PCSK6: variants seen among roughly 807,000 people sequenced by gnomAD.
The protein encoded by PCSK6 is paired basic amino acid cleaving enzyme 4.
A neutral mutation model predicts 123.3 loss-of-function variants in PCSK6; 85 were observed. The observed-to-expected ratio is 0.69, with a 90% CI of 0.58 to 0.83. PCSK6 has a LOEUF of 0.83. Among genes scored for constraint, PCSK6 ranks in the 40% least tolerant of loss-of-function variants. The probability of loss-of-function intolerance (pLI) is 0.00; values close to 1 mark genes in which losing one functional copy is unlikely to be tolerated. For synonymous variants in PCSK6, 508 were observed against 516.0 expected (o/e 0.98, Z 0.21); for missense variants, 1,191 against 1,282.3 (o/e 0.93, Z 1.09).
At chr15:101,403,767 T>C (rs1221940099) in intron 6 of PCSK6, among the ~76,000 whole-genome samples, 1 of 152,214 alleles carries the variant, frequency 6.6e-6, no homozygotes, top group Non-Finnish European at 1.5e-5. Context: ...TTGCCCAGGT[T>C]GGAGGACAGT....
At chr15:101,425,871 G>A (rs1271966722) in intron 6 of PCSK6, among the ~76,000 whole-genome samples, 1 of 152,170 alleles carries the variant, frequency 6.6e-6, no homozygotes, top group Non-Finnish European at 1.5e-5. Context: ...TACTTCCACT[G>A]ACTCCTCCCC....
At chr15:101,336,392 A>G (rs146689874) in intron 13 of PCSK6, among the ~76,000 whole-genome samples, 1 of 152,314 alleles carries the variant, frequency 6.6e-6, no homozygotes, top group East Asian at 1.9e-4. Flanking sequence ...GTGCATGTGT[A>G]CCTGTAGGCT....
chr15:101,323,420 CTT>C (rs1407411161), intron 17 of PCSK6, among the ~76,000 whole-genome samples: 1 of 152,228 alleles, frequency 6.6e-6, no homozygotes, highest in Non-Finnish European at 1.5e-5. Flanking sequence ...TCTTGCATGA[CTT>C]TTTGTTTCCC....
rs567830851 is a variant in PCSK6, at chr15:101,335,286, A to G, written c.1859-3255T>C. Among the ~76,000 whole-genome samples, 9 of 152,346 alleles carry G rather than the reference A, an allele frequency of 5.9e-5. No homozygotes were observed. In the East Asian group the frequency reaches 9.6e-4, roughly 16 times the overall value. On this transcript the variant is annotated intron_variant, in intron 13 of 21. Coordinates refer to ENST00000611716, the MANE Select transcript of PCSK6 (RefSeq NM_002570.5). Reference sequence around the variant, plus strand: ...TTTGACTTTTTGTTAAAACCACAACATATGTTACCTGTTCATATATAAACA... The same window carrying G: ...TTTGACTTTTTGTTAAAACCACAACGTATGTTACCTGTTCATATATAAACA...
At chr15:101,426,616 G>A (rs986898039) in intron 6 of PCSK6, among the ~76,000 whole-genome samples, 4 of 152,208 alleles carry the variant, frequency 2.6e-5, no homozygotes, top group African/African-American at 9.7e-5. Flanking sequence ...GGCAGGCAGA[G>A]TCCTAATTAA....
intron 1 of PCSK6, among the ~76,000 whole-genome samples, chr15:101,477,263 G>A (rs1204262520): frequency 1.3e-5 from 2 of 151,636 alleles, no homozygotes; most frequent in African/African-American, 4.9e-5. Context: ...GTGTGTCTGT[G>A]TGTCTGTGTG....
intron 1 of PCSK6, among the ~76,000 whole-genome samples, chr15:101,475,005 T>C (rs1382846147): frequency 1.3e-5 from 2 of 152,124 alleles, no homozygotes; most frequent in African/African-American, 2.4e-5. Flanking sequence ...ACACCCCCAC[T>C]TCCCATTCCT....
At chr15:101,312,552 C>T (rs1180154819) in intron 20 of PCSK6, among the ~76,000 whole-genome samples, 1 of 152,118 alleles carries the variant, frequency 6.6e-6, no homozygotes. Context: ...TATTTTAGGC[C>T]AGGTGTGGTG....
At chr15:101,446,661 C>T (rs1048381021) in intron 1 of PCSK6, among the ~76,000 whole-genome samples, 3 of 152,204 alleles carry the variant, frequency 2.0e-5, no homozygotes, top group East Asian at 3.9e-4. Flanking sequence ...AACTCTGAAA[C>T]AGAAAAGGCT....
At chr15:101,451,669 T>C (rs766203421) in intron 1 of PCSK6, among the ~76,000 whole-genome samples, 15 of 152,250 alleles carry the variant, frequency 9.9e-5, no homozygotes, top group Non-Finnish European at 2.1e-4. Flanking sequence ...GCCGCTTGTC[T>C]GTCTTCAGGG....
In PCSK6 at chr15:101,370,481, G is replaced by A. The variant is rs1555450297; in HGVS notation, c.1575C>T (p.Thr525=). Reference sequence around the variant, plus strand: ...GGTCCGAGTGCTCCGCGCAGGCGCTGGTCAGGGCCGTAGTCCGCAGCACCT... The same window carrying A: ...GGTCCGAGTGCTCCGCGCAGGCGCTAGTCAGGGCCGTAGTCCGCAGCACCT... ...LVQVLRTTAL[T]SACAEHSDQR... The change falls in exon 12 of 22, where the codon ACC becomes ACT. Residue 525 remains threonine, a synonymous_variant. Coordinates refer to ENST00000611716, the MANE Select transcript of PCSK6 (RefSeq NM_002570.5). 6.5e-7 allele frequency: 1 copy of A among 1,543,948 alleles called. No homozygotes were observed. The highest frequency in any genetic ancestry group is 8.8e-7 in the Non-Finnish European group (1 of 1,142,550).
intron 6 of PCSK6, among the ~76,000 whole-genome samples, chr15:101,424,246 A>G (rs1185004421): frequency 6.6e-6 from 1 of 152,100 alleles, no homozygotes; most frequent in Non-Finnish European, 1.5e-5. Context: ...TCAAAAAAAA[A>G]AAAAGGAGCC....
At chr15:101,308,974 G>A (rs1427290405) in intron 20 of PCSK6, 2 of 152,350 alleles carry the variant, frequency 1.3e-5, no homozygotes, top group Non-Finnish European at 2.9e-5. Context: ...AAGAACTGTG[G>A]TGAGGAGCGC....
chr15:101,430,102 T>C (rs2141115413), intron 4 of PCSK6, 39 bp from the exon 5 acceptor site: 2 of 1,549,054 alleles, frequency 1.3e-6, no homozygotes, highest in East Asian at 2.2e-5. Flanking sequence ...AGAAATGGCA[T>C]GTGACAGCTC....
rs539699577 is a variant in PCSK6 at position 101,433,650 on chromosome 15, G to T, written c.403-1550C>A. Among the ~76,000 whole-genome samples, 3 of 152,254 alleles carry T rather than the reference G, an allele frequency of 2.0e-5. No individual in the cohort carries two copies. The East Asian group carries it at 5.8e-4, about 29-fold the overall frequency. On this transcript the variant is annotated intron_variant, in intron 2 of 21. Transcript: ENST00000611716. ...GGGCGGGGCCCCAAGGTGACCCAAGGCTGGCGACCCAGGGTCGTGCTGGAA... is the reference window on the plus strand; with the variant it reads ...GGGCGGGGCCCCAAGGTGACCCAAGTCTGGCGACCCAGGGTCGTGCTGGAA...
chr15:101,489,593 G>T lies in PCSK6; in HGVS notation c.78C>A (p.Gly26=). The T allele has an allele frequency of 1.0e-6, 1 of 975,478 alleles. No individual in the cohort carries two copies. The highest frequency in any genetic ancestry group is 1.2e-6 in the Non-Finnish European group (1 of 825,356). 60.4% of individuals were successfully genotyped at this position (975,478 alleles called of 1,614,324 possible). A position where few individuals can be genotyped will look rare whatever the true frequency, so the allele number is the denominator to read the frequency against. The part of the protein sequence containing the change: ...RAAAATDTAA[G]AGGAGGAGGA... Reference sequence around the variant, plus strand: ...CCCCCGCGCCCCCCGCGCCCCCCGCGCCCGCGGCGGTGTCGGTGGCGGCGG... The same window carrying T: ...CCCCCGCGCCCCCCGCGCCCCCCGCTCCCGCGGCGGTGTCGGTGGCGGCGG... Residue 26 remains glycine (G), a synonymous_variant, in exon 1 of 22, where the codon GGC becomes GGA. Transcript: ENST00000611716.
intron 21 of PCSK6, among the ~76,000 whole-genome samples, chr15:101,307,004 G>C (rs575387778): frequency 6.6e-6 from 1 of 152,198 alleles, no homozygotes; most frequent in Non-Finnish European, 1.5e-5. Flanking sequence ...CTCTCTGATC[G>C]ATGTGAGAGG....
At chr15:101,450,768 C>T (rs1020706854) in intron 1 of PCSK6, among the ~76,000 whole-genome samples, 2 of 152,158 alleles carry the variant, frequency 1.3e-5, no homozygotes, top group Admixed American at 6.5e-5. Context: ...TGAGCTCTCT[C>T]TCAGTCCCCG....
chr15:101,355,417 G>A (rs2041009011), intron 13 of PCSK6, among the ~76,000 whole-genome samples: 1 of 152,222 alleles, frequency 6.6e-6, no homozygotes, highest in South Asian at 2.1e-4. Context: ...TGTGGGAGGT[G>A]CCCCAGCACC....
Sources: allele counts gnomAD v4.1 joint callset (sites outside exome capture counted in the v4.1 genomes callset), GRCh38; gene constraint gnomAD v4.1.1; transcripts MANE v1.5; gene names NCBI Gene and HGNC (gene_info 2026-07-23, HGNC 2026-07-21).